Variants in SPTB observed in about 807,000 individuals in gnomAD.
The protein encoded by SPTB is spectrin beta, erythrocytic.
A neutral mutation model predicts 256.2 loss-of-function variants in SPTB; 45 were observed. That is an observed-to-expected ratio of 0.18 (90% CI 0.14 to 0.23). SPTB has a LOEUF of 0.23. SPTB is among the 10% of genes least tolerant of loss of function. The pLI is 1.00. For synonymous variants in SPTB, 1,231 were observed against 1,243.1 expected, an observed-to-expected ratio of 0.99 and a Z score of 0.21; for missense variants, 2,715 against 3,040.4, an observed-to-expected ratio of 0.89 and a Z score of 2.52.
chr14:64,799,716 G>A (rs2082843374), intron 9 of SPTB, 31 bp downstream of exon 9: 1 of 1,613,196 alleles, frequency 6.2e-7, no homozygotes, highest in Non-Finnish European at 8.5e-7. Flanking sequence ...CAGCCACTGA[G>A]GACCACCCTC....
At chr14:64,860,958 G>A (rs747290914) in intron 1 of SPTB, among the ~76,000 whole-genome samples, 11 of 152,084 alleles carry the variant, frequency 7.2e-5, no homozygotes, top group Non-Finnish European at 1.5e-4. Context: ...CCAAAGACAT[G>A]GAACCAACCC....
At chr14:64,769,231 C>T (rs1008350090) in intron 28 of SPTB, 113 bp from the exon 29 acceptor site, 27 of 1,058,992 alleles carry the variant, frequency 2.5e-5, no homozygotes, top group African/African-American at 1.4e-4. Flanking sequence ...GCCCTGGCTT[C>T]AAGTCTTGGC....
At chr14:64,840,145 T>C (rs2083584709) in intron 1 of SPTB, among the ~76,000 whole-genome samples, 2 of 152,252 alleles carry the variant, frequency 1.3e-5, no homozygotes, top group South Asian at 2.1e-4. Context: ...CTTGAACTCA[T>C]GTCTTCTGAG....
At chr14:64,858,082 G>C (rs2083900893) in intron 1 of SPTB, among the ~76,000 whole-genome samples, 1 of 152,186 alleles carries the variant, frequency 6.6e-6, no homozygotes, top group African/African-American at 2.4e-5. Context: ...ACCTGCTGTG[G>C]CCACACAGCT....
chr14:64,854,207 AAAAC>A (rs537716698), intron 1 of SPTB, among the ~76,000 whole-genome samples: 1,980 of 151,252 alleles, frequency 0.013, 20 homozygotes, highest in Middle Eastern at 0.031. Context: ...AAAACAAAAC[AAAAC>A]AAACAAACAA....
chr14:64,857,971 C>T (rs2083899719), intron 1 of SPTB, among the ~76,000 whole-genome samples: 2 of 152,224 alleles, frequency 1.3e-5, no homozygotes, highest in African/African-American at 2.4e-5. Context: ...ATCTGACACA[C>T]ATTTTTATCC....
At chr14:64,791,983 C>T in intron 14 of SPTB, 127 bp from the exon 15 acceptor site, 1 of 1,276,608 alleles carries the variant, frequency 7.8e-7, no homozygotes, top group South Asian at 1.3e-5. Context: ...ACCATTTGCC[C>T]AGGTGAGGCA....
Position 64,797,852 on chromosome 14 carries a change from A to C in SPTB, c.1065-6T>G. The C allele has an allele frequency of 1.9e-6, 3 of 1,608,246 alleles. No homozygotes were observed. Among genetic ancestry groups the C allele is most frequent in the Non-Finnish European group, 2.6e-6 (3 of 1,174,602 alleles). On this transcript the variant is annotated splice_region_variant and splice_polypyrimidine_tract_variant and intron_variant, in intron 9 of 35. Coordinates refer to ENST00000644917, the MANE Select transcript of SPTB (RefSeq NM_001355436.2). Reference sequence around the variant, plus strand: ...GATTCCCCTTCTCTTGAAACCTGTCAAGAAAACAGAAGTAGGAAGACTGAT... The same window carrying C: ...GATTCCCCTTCTCTTGAAACCTGTCCAGAAAACAGAAGTAGGAAGACTGAT...
rs151230915 is a variant in SPTB at position 64,774,085 on chromosome 14, T to C, written c.4973+312A>G. On this transcript the variant is annotated intron_variant, in intron 24 of 35. Coordinates refer to ENST00000644917, the MANE Select transcript of SPTB (RefSeq NM_001355436.2). ...CATAAAAATAAAAGCTAAAGTAGTC[T>C]TCAGTGTCCCTTAGCATATTGTAAC... Among the ~76,000 whole-genome samples, 929 of 152,314 alleles carry C rather than the reference T, an allele frequency of 6.1e-3. 12 individuals carry two copies. Among genetic ancestry groups the C allele is most frequent in the African/African-American group, 0.021 (888 of 41,558 alleles).
intron 2 of SPTB, among the ~76,000 whole-genome samples, chr14:64,817,298 G>A (rs894920581): frequency 6.6e-6 from 1 of 152,192 alleles, no homozygotes; most frequent in African/African-American, 2.4e-5. Flanking sequence ...TCTCACCATG[G>A]CTGACCTCCC....
At chr14:64,768,659 C>T (rs1566743061) in intron 29 of SPTB, among the ~76,000 whole-genome samples, 1 of 151,944 alleles carries the variant, frequency 6.6e-6, no homozygotes, top group Non-Finnish European at 1.5e-5. Flanking sequence ...TCTCCCAGAC[C>T]CCCAACTCCT....
chr14:64,783,295 C>T (rs186539853), intron 19 of SPTB, among the ~76,000 whole-genome samples: 124 of 152,212 alleles, frequency 8.1e-4, no homozygotes, highest in Middle Eastern at 3.4e-3. Flanking sequence ...CCTCCGCCCC[C>T]CAGTTTAAGC....
intron 3 of SPTB, among the ~76,000 whole-genome samples, 183 bp downstream of exon 3, chr14:64,804,756 T>A (rs2082950193): frequency 6.6e-6 from 1 of 152,150 alleles, no homozygotes; most frequent in Non-Finnish European, 1.5e-5. Flanking sequence ...GGCAAGAAGT[T>A]CTGGGAGGAA....
intron 32 of SPTB, chr14:64,763,929 G>GGGTGCCACCCTGTGGTGT: frequency 1.9e-6 from 1 of 515,958 alleles, no homozygotes; most frequent in South Asian, 1.4e-5. Context: ...GACTGGGGTG[G>GGGTGCCACCCTGTGGTGT]GGTGCCACCC....
intron 27 of SPTB, among the ~76,000 whole-genome samples, chr14:64,770,513 A>G (rs229596): frequency 0.26 from 40,293 of 152,122 alleles, 7,553 homozygotes; most frequent in African/African-American, 0.52. Flanking sequence ...TTTTGGGGGA[A>G]GGGCCCCCTC....
At position 64,772,589 on chromosome 14, in the gene SPTB, C is replaced by G. The variant is rs754577589; in HGVS notation, c.5544G>C (p.Leu1848=). 6.2e-7 allele frequency: 1 copy of G among 1,607,620 alleles called. No individual in the cohort carries two copies. Among genetic ancestry groups the G allele is most frequent in the African/African-American group, 1.3e-5 (1 of 74,928 alleles). The change falls in exon 26 of 36, where the codon CTG becomes CTC. Residue 1848 remains leucine (L), a synonymous_variant. Transcript: ENST00000644917. The surrounding 1 kb of genome is among the most constrained non-coding windows in gnomAD (Gnocchi z 5.4). ...AGGGGGCTGAAGGTACCTGGACACC[C>G]AGCAGGTGGAGCTCCCGCTCGAAGG... ...HTAFERELHL[L]GVQVQQFQDV...
chr14:64,811,033 T>C (rs2083078795), intron 2 of SPTB, among the ~76,000 whole-genome samples: 2 of 151,956 alleles, frequency 1.3e-5, no homozygotes, highest in Admixed American at 6.6e-5. Flanking sequence ...GGAGGATCAC[T>C]TGAGCTCAGT....
chr14:64,846,927 T>C (rs1296186624), intron 1 of SPTB, among the ~76,000 whole-genome samples: 1 of 151,016 alleles, frequency 6.6e-6, no homozygotes, highest in Non-Finnish European at 1.5e-5. Context: ...AGCAGAGGAG[T>C]GGTTCATGTG....
chr14:64,800,897 A>G lies in SPTB; in HGVS notation c.764-29T>C. On this transcript the variant is annotated intron_variant, in intron 7 of 35. Transcript: ENST00000644917. ...TTAGGGAAAAGGGTGTACTCTCAGGACCAAACTGGAAGTCGGGAAAGTCAG... is the reference window on the plus strand; with the variant it reads ...TTAGGGAAAAGGGTGTACTCTCAGGGCCAAACTGGAAGTCGGGAAAGTCAG... The G allele has an allele frequency of 2.5e-6, 4 of 1,576,228 alleles. No individual in the cohort carries two copies. In the South Asian group the frequency reaches 4.5e-5, roughly 18 times the overall value.
Sources: allele counts gnomAD v4.1 joint callset (sites outside exome capture counted in the v4.1 genomes callset), GRCh38; gene constraint gnomAD v4.1.1; non-coding constraint Gnocchi (gnomAD v3.1); transcripts MANE v1.5; gene names NCBI Gene and HGNC (gene_info 2026-07-23, HGNC 2026-07-21).